The following COPS3 variants were observed in gnomAD, a reference collection of about 807,000 sequenced individuals.
The protein encoded by COPS3 is COP9 signalosome subunit 3.
A neutral mutation model predicts 58.2 loss-of-function variants in COPS3; 10 were observed. The observed-to-expected ratio is 0.17, with a 90% CI of 0.11 to 0.29. The LOEUF (loss-of-function observed/expected upper bound fraction) is 0.29, where lower values mean the gene tolerates loss of function less well. COPS3 is among the 10% of genes least tolerant of loss of function. COPS3 has a pLI of 1.00. For synonymous variants in COPS3, 187 were observed against 181.7 expected (o/e 1.03, Z -0.24); for missense variants, 333 against 510.1 (o/e 0.65, Z 3.34).
intron 8 of COPS3, among the ~76,000 whole-genome samples, chr17:17,257,300 T>G (rs2472689): frequency 0.71 from 106,580 of 150,290 alleles, 37,860 homozygotes; most frequent in East Asian, 0.85. Context: ...GGAGGCAGAG[T>G]CTGCAGTGAG....
rs537663860 is a variant in COPS3 at position 17,262,363 on chromosome 17, G to A, written c.622-257C>T. Among the ~76,000 whole-genome samples, 39 of 152,276 alleles carry A rather than the reference G, an allele frequency of 2.6e-4. No homozygotes were observed. In the South Asian group the frequency reaches 7.9e-3, roughly 31 times the overall value. On this transcript the variant is annotated intron_variant, in intron 6 of 11. Transcript: ENST00000268717. ...GTACCCTCAAACTCCTTGGGTTCAA[G>A]CAATCTTCCTGCCTCAGCCTCCTGA...
At chr17:17,258,069 C>A (rs1412195013) in intron 8 of COPS3, among the ~76,000 whole-genome samples, 3 of 152,174 alleles carry the variant, frequency 2.0e-5, no homozygotes, top group Admixed American at 6.5e-5. Flanking sequence ...CAGCCACTAT[C>A]ACAGATGTAA....
intron 1 of COPS3, among the ~76,000 whole-genome samples, chr17:17,278,397 G>T (rs1421959636): frequency 6.6e-6 from 1 of 152,146 alleles, no homozygotes; most frequent in East Asian, 1.9e-4. Flanking sequence ...ACTATAGCTA[G>T]GTACTTTTGA....
intron 11 of COPS3, 108 bp from the exon 12 acceptor site, chr17:17,247,259 TGTGA>T: frequency 8.8e-7 from 1 of 1,137,970 alleles, no homozygotes; most frequent in Non-Finnish European, 1.3e-6. Flanking sequence ...CAAAGCCCCC[TGTGA>T]ACAAGGGCAG....
At chr17:17,267,543 CAGG>C (rs1597688834) in intron 5 of COPS3, among the ~76,000 whole-genome samples, 1 of 147,672 alleles carries the variant, frequency 6.8e-6, no homozygotes, top group African/African-American at 2.5e-5. Context: ...GAGGCTGAGG[CAGG>C]AGAATTGCTT....
intron 4 of COPS3, among the ~76,000 whole-genome samples, chr17:17,268,362 G>C (rs2048272864): frequency 6.6e-6 from 1 of 152,072 alleles, no homozygotes; most frequent in South Asian, 2.1e-4. Flanking sequence ...TGTGGCTAAG[G>C]GTGTTGGCAT....
At chr17:17,280,588 G>A in intron 1 of COPS3, 2 of 1,295,630 alleles carry the variant, frequency 1.5e-6, no homozygotes, top group Non-Finnish European at 2.0e-6. Context: ...GAGAGCTTCC[G>A]CAGCATTCTG....
intron 2 of COPS3, among the ~76,000 whole-genome samples, chr17:17,271,380 G>C (rs544675066): frequency 6.6e-6 from 1 of 152,232 alleles, no homozygotes; most frequent in East Asian, 1.9e-4. Context: ...AGTGAGCTAT[G>C]ATCATGCCAC....
intron 1 of COPS3, chr17:17,280,762 C>T (rs7209709): frequency 2.4e-6 from 3 of 1,251,002 alleles, no homozygotes; most frequent in East Asian, 1.1e-4. Context: ...GATGACATGG[C>T]GGTGCGCCAA....
chr17:17,265,938 T>C (rs747576765), intron 5 of COPS3, among the ~76,000 whole-genome samples: 3 of 152,230 alleles, frequency 2.0e-5, no homozygotes, highest in Non-Finnish European at 4.4e-5. Context: ...ATACAGGGAA[T>C]TGTGCAACTC....
At chr17:17,251,487 G>A (rs1166732171) in intron 9 of COPS3, among the ~76,000 whole-genome samples, 18 of 151,446 alleles carry the variant, frequency 1.2e-4, no homozygotes, top group Admixed American at 9.9e-4. Flanking sequence ...TAGTAGAGAC[G>A]GGGTTTCACC....
chr17:17,267,771 A>C, intron 5 of COPS3, 114 bp downstream of exon 5: 1 of 1,049,486 alleles, frequency 9.5e-7, no homozygotes. Flanking sequence ...TCCAACTTCT[A>C]TAACACATCA....
chr17:17,250,780 T>G (rs1253346086), intron 9 of COPS3, among the ~76,000 whole-genome samples: 1 of 152,224 alleles, frequency 6.6e-6, no homozygotes, highest in Non-Finnish European at 1.5e-5. Flanking sequence ...GGCCTACTTG[T>G]CTCTAGCTTT....
intron 2 of COPS3, among the ~76,000 whole-genome samples, chr17:17,274,691 G>A (rs923723116): frequency 3.3e-5 from 5 of 151,758 alleles, no homozygotes; most frequent in Admixed American, 6.6e-5. Flanking sequence ...CCAAAGTGCC[G>A]GGATTACAGA....
chr17:17,273,762 AG>A (rs2048400913), intron 2 of COPS3, among the ~76,000 whole-genome samples: 1 of 152,162 alleles, frequency 6.6e-6, no homozygotes, highest in Non-Finnish European at 1.5e-5. Context: ...TGAGGTTGGA[AG>A]ATCACTTGAG....
chr17:17,279,220 G>A (rs1026268154), intron 1 of COPS3, among the ~76,000 whole-genome samples: 1 of 152,106 alleles, frequency 6.6e-6, no homozygotes, highest in African/African-American at 2.4e-5. Context: ...CACAGTAGCC[G>A]ACAGCAATGA....
chr17:17,259,025 G>A (rs569891310), intron 8 of COPS3, among the ~76,000 whole-genome samples: 17 of 151,852 alleles, frequency 1.1e-4, no homozygotes, highest in Non-Finnish European at 2.5e-4. Flanking sequence ...CCACCTCAAC[G>A]GCCACCCCGA....
At chr17:17,253,721 T>C (rs541282846) in intron 9 of COPS3, among the ~76,000 whole-genome samples, 1 of 152,334 alleles carries the variant, frequency 6.6e-6, no homozygotes, top group African/African-American at 2.4e-5. Context: ...TTGCTTGATG[T>C]ACGTACTGGC....
intron 4 of COPS3, among the ~76,000 whole-genome samples, chr17:17,269,326 G>C (rs755331583): frequency 1.3e-5 from 2 of 152,216 alleles, no homozygotes; most frequent in Non-Finnish European, 1.5e-5. Context: ...TTGGGAGGCT[G>C]AGGCAGAAGA....
Sources: allele counts gnomAD v4.1 joint callset (sites outside exome capture counted in the v4.1 genomes callset), GRCh38; gene constraint gnomAD v4.1.1; transcripts MANE v1.5; gene names NCBI Gene and HGNC (gene_info 2026-07-23, HGNC 2026-07-21).